POT1: variants seen among roughly 807,000 people sequenced by gnomAD.
POT1 encodes protection of telomeres 1.
A neutral mutation model predicts 78.5 loss-of-function variants in POT1; 47 were observed. The observed-to-expected ratio is 0.60, with a 90% CI of 0.47 to 0.76. POT1 has a LOEUF of 0.76. POT1 is among the 30% of genes least tolerant of loss of function. The probability of loss-of-function intolerance (pLI) is 0.00; values close to 1 mark genes in which losing one functional copy is unlikely to be tolerated. For missense variants in POT1, 646 were observed against 749.9 expected, an observed-to-expected ratio of 0.86 and a Z score of 1.62; for synonymous variants, 259 against 260.7, an observed-to-expected ratio of 0.99 and a Z score of 0.06.
At chr7:124,844,532 C>A (rs965716877) in intron 12 of POT1, among the ~76,000 whole-genome samples, 2 of 149,972 alleles carry the variant, frequency 1.3e-5, no homozygotes, top group African/African-American at 2.4e-5. Flanking sequence ...GTCAAGAGAG[C>A]GAGACCATCC....
chr7:124,825,636 TTC>T (rs1358179669), intron 17 of POT1, among the ~76,000 whole-genome samples: 2 of 152,144 alleles, frequency 1.3e-5, no homozygotes, highest in South Asian at 2.1e-4. Flanking sequence ...AGGCTGACTA[TTC>T]TCTTTGTGCA....
chr7:124,869,573 ATTTCTT>A (rs1254859232), intron 7 of POT1, among the ~76,000 whole-genome samples: 1 of 151,982 alleles, frequency 6.6e-6, no homozygotes, highest in Non-Finnish European at 1.5e-5. Context: ...TGATGATAAT[ATTTCTT>A]TTTATTTATT....
intron 5 of POT1, among the ~76,000 whole-genome samples, chr7:124,896,865 T>A (rs1403652472): frequency 6.6e-6 from 1 of 151,714 alleles, no homozygotes; most frequent in Non-Finnish European, 1.5e-5. Flanking sequence ...ATAACAAAAA[T>A]TTAAGGATCT....
chr7:124,841,571 C>T (rs1177667565), intron 13 of POT1, among the ~76,000 whole-genome samples: 2 of 151,858 alleles, frequency 1.3e-5, no homozygotes, highest in Non-Finnish European at 2.9e-5. Context: ...CCACTTACCA[C>T]ACTTAGGGAG....
At chr7:124,860,654 A>C (rs566610603) in intron 8 of POT1, among the ~76,000 whole-genome samples, 1 of 152,258 alleles carries the variant, frequency 6.6e-6, no homozygotes, top group South Asian at 2.1e-4. Flanking sequence ...CATGTGCAGA[A>C]TGTGCAGGTT....
rs146065890 is a variant in POT1 at position 124,914,344 on chromosome 7, T to C, written c.-154+1230A>G. Among the ~76,000 whole-genome samples the C allele has an allele frequency of 1.4e-3, 209 of 152,158 alleles. 2 individuals carry two copies. Among genetic ancestry groups the C allele is most frequent in the African/African-American group, 4.3e-3 (178 of 41,526 alleles). On this transcript the variant is annotated intron_variant, in intron 3 of 18. Coordinates refer to ENST00000357628, the MANE Select transcript of POT1 (RefSeq NM_015450.3). The stretch of plus-strand genomic sequence containing the variant: ...AAGCCCCTTGAAATTCCATACAAAT[T>C]TGGGGATTGGTCTTTACATTTCTGC...
chr7:124,842,746 T>C (rs1338188430), intron 13 of POT1, 61 bp downstream of exon 13: 7 of 1,362,736 alleles, frequency 5.1e-6, no homozygotes, highest in Admixed American at 5.1e-5. Flanking sequence ...AAATTATACA[T>C]ATGTGTACAT....
chr7:124,915,492 C>A (rs1253447196), intron 3 of POT1, 82 bp downstream of exon 3: 2 of 152,100 alleles, frequency 1.3e-5, no homozygotes, highest in African/African-American at 2.4e-5. Context: ...AAGTAGAATA[C>A]ACACACATAT....
intron 13 of POT1, among the ~76,000 whole-genome samples, chr7:124,841,408 C>T (rs1795026186): frequency 6.6e-6 from 1 of 151,830 alleles, no homozygotes; most frequent in Non-Finnish European, 1.5e-5. Flanking sequence ...ATCATATTTA[C>T]ATTAACTACC....
intron 3 of POT1, among the ~76,000 whole-genome samples, chr7:124,904,964 C>G (rs1796723289): frequency 6.6e-6 from 1 of 152,156 alleles, no homozygotes; most frequent in African/African-American, 2.4e-5. Flanking sequence ...TCAAGGAGAA[C>G]TACAAATCAC....
chr7:124,884,949 C>T (rs952786016), intron 6 of POT1, among the ~76,000 whole-genome samples: 2 of 151,040 alleles, frequency 1.3e-5, no homozygotes, highest in Non-Finnish European at 2.9e-5. Flanking sequence ...ATTAAATTCC[C>T]TTATATGTGT....
At chr7:124,867,860 C>G (rs1795769632) in intron 7 of POT1, among the ~76,000 whole-genome samples, 1 of 152,030 alleles carries the variant, frequency 6.6e-6, no homozygotes, top group Non-Finnish European at 1.5e-5. Flanking sequence ...ACTGGCCAGG[C>G]TGGTCTTGAA....
intron 3 of POT1, among the ~76,000 whole-genome samples, chr7:124,905,968 C>T (rs1219444456): frequency 6.6e-6 from 1 of 152,076 alleles, no homozygotes; most frequent in Non-Finnish European, 1.5e-5. Flanking sequence ...GAATGGCAAT[C>T]ATTAAAAAGC....
Position 124,851,960 on chromosome 7 carries a change from G to C in POT1, c.870-9C>G. 1 of 1,571,174 alleles carries C rather than the reference G, an allele frequency of 6.4e-7. No individual in the cohort carries two copies. The highest frequency in any genetic ancestry group is 8.7e-7 in the Non-Finnish European group (1 of 1,143,020). On this transcript the variant is annotated splice_polypyrimidine_tract_variant and intron_variant, in intron 10 of 18. Coordinates refer to ENST00000357628, the MANE Select transcript of POT1 (RefSeq NM_015450.3). ...TTGCAGATTCTAAATCCCTATAATT[G>C]AAAGAATACAATTTCAAATTGCATA...
chr7:124,849,685 T>C (rs569853443), intron 11 of POT1, among the ~76,000 whole-genome samples: 1 of 152,264 alleles, frequency 6.6e-6, no homozygotes, highest in East Asian at 1.9e-4. Flanking sequence ...ATTAAAGTAT[T>C]ATTTGTAAGA....
chr7:124,858,028 C>A (rs1489737736), intron 9 of POT1, among the ~76,000 whole-genome samples: 1 of 152,252 alleles, frequency 6.6e-6, no homozygotes, highest in South Asian at 2.1e-4. Flanking sequence ...CACCTGCATG[C>A]TCCCACTCCT....
At chr7:124,924,878 C>A (rs1176343651) in intron 2 of POT1, among the ~76,000 whole-genome samples, 1 of 151,898 alleles carries the variant, frequency 6.6e-6, no homozygotes, top group Admixed American at 6.6e-5. Flanking sequence ...ATCATCCCAA[C>A]AGATGAAGAA....
chr7:124,844,694 C>CACT (rs563218060), intron 12 of POT1, among the ~76,000 whole-genome samples: 225 of 142,512 alleles, frequency 1.6e-3, no homozygotes, highest in Middle Eastern at 7.2e-3. Flanking sequence ...AAGATAGTGC[C>CACT]ACTGCACTCC....
intron 15 of POT1, among the ~76,000 whole-genome samples, chr7:124,831,144 T>G (rs1005059462): frequency 6.6e-6 from 1 of 152,098 alleles, no homozygotes; most frequent in Admixed American, 6.6e-5. Flanking sequence ...ATTACAAAAT[T>G]AATGCCAAGT....
Sources: gnomAD v4.1 joint callset for allele counts (sites outside exome capture counted in the v4.1 genomes callset) on GRCh38, gnomAD v4.1.1 for gene constraint, MANE v1.5 for transcripts, NCBI Gene and HGNC (gene_info 2026-07-23, HGNC 2026-07-21) for gene names.